PIGU: variants seen among roughly 807,000 people sequenced by gnomAD.
PIGU encodes phosphatidylinositol glycan anchor biosynthesis class U.
PIGU carries 24 observed loss-of-function variants against 49.9 expected under a neutral mutation model. The observed-to-expected ratio is 0.48, with a 90% CI of 0.35 to 0.68. PIGU has a LOEUF of 0.68. Among genes scored for constraint, PIGU ranks in the 30% least tolerant of loss-of-function variants. The pLI is 0.01. For missense variants in PIGU, 490 were observed against 532.6 expected, an observed-to-expected ratio of 0.92 and a Z score of 0.79; for synonymous variants, 220 against 205.7, an observed-to-expected ratio of 1.07 and a Z score of -0.59.
chr20:34,649,161 C>A (rs558544963), intron 2 of PIGU, among the ~76,000 whole-genome samples: 17 of 152,226 alleles, frequency 1.1e-4, no homozygotes, highest in Non-Finnish European at 2.1e-4. Context: ...GCCACCACGC[C>A]CGGTCTGTTT....
At chr20:34,665,973 G>GTCA (rs1476617727) in intron 1 of PIGU, among the ~76,000 whole-genome samples, 2 of 152,106 alleles carry the variant, frequency 1.3e-5, no homozygotes, top group African/African-American at 2.4e-5. Flanking sequence ...ATCACCTGAG[G>GTCA]TCAGGAGTTC....
At chr20:34,579,887 C>T (rs1352287317) in intron 10 of PIGU, among the ~76,000 whole-genome samples, 1 of 152,194 alleles carries the variant, frequency 6.6e-6, no homozygotes, top group Non-Finnish European at 1.5e-5. Flanking sequence ...TGAGAGACTC[C>T]CCTGCATAAT....
chr20:34,632,436 T>C (rs1476837518), intron 6 of PIGU, among the ~76,000 whole-genome samples: 1 of 151,916 alleles, frequency 6.6e-6, no homozygotes, highest in African/African-American at 2.4e-5. Context: ...TGGCACAATC[T>C]TGGCTCACTG....
At position 34,581,669 on chromosome 20, in the gene PIGU, C is replaced by CT. The variant is rs1983475277; in HGVS notation, c.929dup (p.His311AlafsTer17). Reference sequence around the variant, plus strand: ...GGATAAACATGAAGAAGATGGGGTGCTCCCTGGGGCAGGGCAGGGGAAAGA... The same window carrying CT: ...GGATAAACATGAAGAAGATGGGGTGCTTCCCTGGGGCAGGGCAGGGGAAAGA... On this transcript the variant is annotated frameshift_variant, in exon 10 of 12. Coordinates refer to ENST00000217446, the MANE Select transcript of PIGU (RefSeq NM_080476.5). LOFTEE classifies it high-confidence loss of function. 1 of 1,608,326 alleles carries CT rather than the reference C, an allele frequency of 6.2e-7. No homozygotes were observed. The highest frequency in any genetic ancestry group is 1.7e-5 in the Admixed American group (1 of 58,750).
intron 1 of PIGU, among the ~76,000 whole-genome samples, chr20:34,662,556 C>G (rs6058100): frequency 0.85 from 128,880 of 152,048 alleles, 54,807 homozygotes; most frequent in Admixed American, 0.92. Flanking sequence ...CACCAGACCA[C>G]CTAATTTTTG....
intron 9 of PIGU, among the ~76,000 whole-genome samples, chr20:34,582,118 T>C (rs2146706492): frequency 6.6e-6 from 1 of 152,288 alleles, no homozygotes; most frequent in South Asian, 2.1e-4. Flanking sequence ...TGATGCCTTT[T>C]TTCTCTAACA....
intron 11 of PIGU, among the ~76,000 whole-genome samples, chr20:34,565,735 AGGTG>A (rs1188704537): frequency 2.0e-5 from 3 of 150,958 alleles, no homozygotes; most frequent in Non-Finnish European, 4.4e-5. Context: ...ACACACACAC[AGGTG>A]CACACACACG....
chr20:34,596,589 A>T (rs1400297853), intron 7 of PIGU, among the ~76,000 whole-genome samples: 4 of 152,176 alleles, frequency 2.6e-5, no homozygotes, highest in African/African-American at 9.6e-5. Context: ...AACTTTTAAA[A>T]ATGGAGATAA....
intron 11 of PIGU, chr20:34,562,529 G>A: frequency 1.6e-6 from 2 of 1,289,368 alleles, no homozygotes; most frequent in Non-Finnish European, 2.0e-6. Flanking sequence ...ATGGCCTCAG[G>A]ACAAGTACCT....
chr20:34,617,033 C>A (rs1404475070), intron 6 of PIGU, among the ~76,000 whole-genome samples: 1 of 152,190 alleles, frequency 6.6e-6, no homozygotes, highest in Non-Finnish European at 1.5e-5. Flanking sequence ...TTGCTTGAAA[C>A]TGGGAGGCAG....
intron 1 of PIGU, among the ~76,000 whole-genome samples, chr20:34,657,960 C>CTT (rs1254497126): frequency 6.6e-6 from 1 of 151,018 alleles, no homozygotes; most frequent in African/African-American, 2.4e-5. Context: ...CCCTCTCCCT[C>CTT]TCTCTCTCTC....
At position 34,677,012 on chromosome 20, in the gene PIGU, G is replaced by C; in HGVS notation, c.74C>G (p.Ala25Gly). The change falls in exon 1 of 12, where the codon GCC (alanine) becomes GGC (glycine). Residue 25 changes from alanine to glycine, a missense_variant. Coordinates refer to ENST00000217446, the MANE Select transcript of PIGU (RefSeq NM_080476.5). ...CTCCACCCGCTCGGAAATGAACTCG[G>C]CCAGACTGGAGCGGAACAAGGCCGC... The part of the protein sequence containing the change: ...VRAALFRSSL[A>G]EFISERVEVV... 6.3e-7 allele frequency: 1 copy of C among 1,584,350 alleles called. No homozygotes were observed. The highest frequency in any genetic ancestry group is 2.3e-5 in the East Asian group (1 of 43,828).
intron 1 of PIGU, among the ~76,000 whole-genome samples, chr20:34,666,185 CA>C (rs1208652968): frequency 1.4e-5 from 2 of 146,362 alleles, no homozygotes; most frequent in Non-Finnish European, 3.0e-5. Flanking sequence ...GACTCCATCT[CA>C]AAAAAAAAAG....
At chr20:34,658,023 C>G (rs887622028) in intron 1 of PIGU, among the ~76,000 whole-genome samples, 1 of 151,110 alleles carries the variant, frequency 6.6e-6, no homozygotes, top group East Asian at 1.9e-4. Flanking sequence ...TCTCTTTCCA[C>G]GGTCTCCCTC....
intron 1 of PIGU, among the ~76,000 whole-genome samples, chr20:34,660,784 A>G (rs1986906076): frequency 6.6e-6 from 1 of 152,252 alleles, no homozygotes. Flanking sequence ...ATAAGAGACT[A>G]AGGCGACAAA....
chr20:34,625,486 T>G (rs536969705), intron 6 of PIGU, among the ~76,000 whole-genome samples: 2 of 151,948 alleles, frequency 1.3e-5, no homozygotes, highest in South Asian at 4.1e-4. Flanking sequence ...ATTTTCTAAC[T>G]ATTTTTGTTG....
chr20:34,627,168 C>T (rs943237877), intron 6 of PIGU, among the ~76,000 whole-genome samples: 1 of 152,060 alleles, frequency 6.6e-6, no homozygotes, highest in Non-Finnish European at 1.5e-5. Flanking sequence ...AAAAGAGAAG[C>T]GCTGGGATCT....
chr20:34,633,644 T>G (rs903047577), intron 6 of PIGU, among the ~76,000 whole-genome samples: 1 of 151,786 alleles, frequency 6.6e-6, no homozygotes, highest in African/African-American at 2.4e-5. Flanking sequence ...CTCGGCTCAC[T>G]GCAACCTCCA....
At chr20:34,620,988 G>C (rs1263430810) in intron 6 of PIGU, among the ~76,000 whole-genome samples, 1 of 152,072 alleles carries the variant, frequency 6.6e-6, no homozygotes, top group Non-Finnish European at 1.5e-5. Context: ...GAAACAGAAA[G>C]CTTCAGTAAT....
Sources: allele counts gnomAD v4.1 joint callset (sites outside exome capture counted in the v4.1 genomes callset), GRCh38; gene constraint gnomAD v4.1.1; transcripts MANE v1.5; gene names NCBI Gene and HGNC (gene_info 2026-07-23, HGNC 2026-07-21).